Variants in MAML2 observed in about 807,000 individuals in gnomAD.
MAML2 encodes the protein mastermind like transcriptional coactivator 2, also known as mastermind-like protein 2.
A neutral mutation model predicts 96.1 loss-of-function variants in MAML2; 22 were observed. The ratio of observed to expected loss-of-function variants is 0.23; its 90% CI spans 0.16 to 0.33. MAML2 has a LOEUF of 0.33. Ranked by LOEUF, MAML2 falls within the 10% of genes least tolerant of loss-of-function variation. The probability of loss-of-function intolerance (pLI) is 1.00; values close to 1 mark genes in which losing one functional copy is unlikely to be tolerated. For missense variants in MAML2, 1,367 were observed against 1,392.4 expected, an observed-to-expected ratio of 0.98 and a Z score of 0.29; for synonymous variants, 561 against 521.3, an observed-to-expected ratio of 1.08 and a Z score of -1.04.
chr11:96,025,291 T>A (rs1355637300), intron 2 of MAML2, among the ~76,000 whole-genome samples: 2 of 152,098 alleles, frequency 1.3e-5, no homozygotes, highest in Non-Finnish European at 2.9e-5. Context: ...AGTGAATTAA[T>A]GCAGGAACAG....
chr11:96,282,735 A>G (rs1159322622), intron 1 of MAML2, among the ~76,000 whole-genome samples: 2 of 152,240 alleles, frequency 1.3e-5, no homozygotes, highest in Non-Finnish European at 2.9e-5. Context: ...GAATTTTATA[A>G]TACAAGTTTA....
At chr11:96,017,211 CACA>C (rs1308290916) in intron 2 of MAML2, among the ~76,000 whole-genome samples, 1 of 152,180 alleles carries the variant, frequency 6.6e-6, no homozygotes, top group African/African-American at 2.4e-5. Flanking sequence ...AGCTAAATTG[CACA>C]ACATTTGTTA....
Position 96,020,539 on chromosome 11 carries a change from G to A in MAML2, c.2140-28816C>T, listed in dbSNP as rs542418233. 1.2e-4 allele frequency among the ~76,000 whole-genome samples: 18 copies of A among 152,310 alleles called. No individual in the cohort carries two copies. In the East Asian group the frequency reaches 3.5e-3, roughly 29 times the overall value. On this transcript the variant is annotated intron_variant, in intron 2 of 4. Transcript: ENST00000524717. The stretch of plus-strand genomic sequence containing the variant: ...AAGCCTTATTCGGTAGGTGTTAAGG[G>A]AGGGGGTGACTGGGGCACTGAGTTT...
chr11:96,070,989 T>C (rs1859336801), intron 2 of MAML2, among the ~76,000 whole-genome samples: 1 of 152,264 alleles, frequency 6.6e-6, no homozygotes, highest in Non-Finnish European at 1.5e-5. Flanking sequence ...ATCTCTTGTG[T>C]AGCTGAGATT....
chr11:96,272,411 CT>C (rs1477997398), intron 1 of MAML2, among the ~76,000 whole-genome samples: 2 of 152,168 alleles, frequency 1.3e-5, no homozygotes, highest in Non-Finnish European at 2.9e-5. Context: ...AGGCATCCAC[CT>C]TATCAGGGTC....
intron 2 of MAML2, among the ~76,000 whole-genome samples, chr11:96,047,930 A>AAAAAAAAAAAAAAAAAAAAG (rs1555001442): frequency 1.4e-4 from 18 of 127,390 alleles, no homozygotes; most frequent in Admixed American, 3.8e-4. Context: ...AAAAAAAAAA[A>AAAAAAAAAAAAAAAAAAAAG]AAAAGAAAAA....
intron 1 of MAML2, among the ~76,000 whole-genome samples, chr11:96,214,967 A>T (rs1862027281): frequency 6.6e-6 from 1 of 152,216 alleles, no homozygotes; most frequent in Non-Finnish European, 1.5e-5. Flanking sequence ...TGCCTCGTCT[A>T]GTTGACCTTG....
At position 96,193,539 on chromosome 11, in the gene MAML2, T is replaced by A. The variant is rs537247028; in HGVS notation, c.514-100022A>T. ...AGCTATCCTATCTGTATAACATCTTTAGCTCCAGAAATAAGAAGACACAGT... is the reference window on the plus strand; with the variant it reads ...AGCTATCCTATCTGTATAACATCTTAAGCTCCAGAAATAAGAAGACACAGT... On this transcript the variant is annotated intron_variant, in intron 1 of 4. Transcript: ENST00000524717. Among the ~76,000 whole-genome samples the A allele has an allele frequency of 1.1e-4, 17 of 152,322 alleles. 2 individuals carry two copies. In the South Asian group the frequency reaches 3.3e-3, roughly 30 times the overall value.
chr11:96,147,054 A>G (rs72971829), intron 1 of MAML2, among the ~76,000 whole-genome samples: 2,370 of 152,318 alleles, frequency 0.016, 32 homozygotes, highest in Non-Finnish European at 0.024. Context: ...CATTTATAGA[A>G]TACCCACTTA....
intron 1 of MAML2, among the ~76,000 whole-genome samples, chr11:96,123,805 G>A (rs1860390969): frequency 6.6e-6 from 1 of 152,134 alleles, no homozygotes; most frequent in Admixed American, 6.5e-5. Flanking sequence ...CCGGCATGGT[G>A]GCTCACGCCT....
intron 1 of MAML2, among the ~76,000 whole-genome samples, chr11:96,103,604 C>A (rs796695830): frequency 1.1e-4 from 16 of 152,308 alleles, no homozygotes; most frequent in African/African-American, 3.9e-4. Flanking sequence ...CTCATGGCAG[C>A]ATTTCTCCCT....
At chr11:96,042,032 A>C (rs2135757107) in intron 2 of MAML2, among the ~76,000 whole-genome samples, 1 of 146,250 alleles carries the variant, frequency 6.8e-6, no homozygotes, top group Middle Eastern at 3.7e-3. Context: ...GCTGGAGTGC[A>C]GTGGCACGAT....
chr11:96,113,604 G>GAAAAAAAAAAAAAAAAAA (rs61518039), intron 1 of MAML2, among the ~76,000 whole-genome samples: 1 of 139,192 alleles, frequency 7.2e-6, no homozygotes. Flanking sequence ...CCCGTTGTTT[G>GAAAAAAAAAAAAAAAAAA]AAAAAAAAAA....
At chr11:96,005,844 C>T (rs1858171373) in intron 2 of MAML2, among the ~76,000 whole-genome samples, 1 of 152,118 alleles carries the variant, frequency 6.6e-6, no homozygotes, top group South Asian at 2.1e-4. Flanking sequence ...AATTTTTATG[C>T]TTTGAATCTC....
intron 2 of MAML2, among the ~76,000 whole-genome samples, chr11:95,997,014 C>T (rs1343298911): frequency 1.3e-5 from 2 of 152,080 alleles, no homozygotes; most frequent in African/African-American, 2.4e-5. Flanking sequence ...AGGCTATTTC[C>T]ATCTAGGTAG....
intron 1 of MAML2, among the ~76,000 whole-genome samples, chr11:96,131,024 T>C (rs190350074): frequency 6.6e-6 from 1 of 152,296 alleles, no homozygotes; most frequent in Admixed American, 6.5e-5. Context: ...AACAGAGCTA[T>C]ACAAAATCTG....
chr11:96,309,750 T>G (rs480499), intron 1 of MAML2, among the ~76,000 whole-genome samples: 103,963 of 149,584 alleles, frequency 0.7, 36,178 homozygotes, highest in East Asian at 0.82. Context: ...TAGGCTGGAG[T>G]GCAGTGGTGC....
chr11:96,326,332 G>A (rs1297582010), intron 1 of MAML2, among the ~76,000 whole-genome samples: 1 of 150,486 alleles, frequency 6.6e-6, no homozygotes, highest in Admixed American at 6.6e-5. Context: ...TGTAGCACTG[G>A]AACTCTATTT....
At chr11:95,988,398 A>C (rs1029437961) in intron 3 of MAML2, among the ~76,000 whole-genome samples, 8 of 151,682 alleles carry the variant, frequency 5.3e-5, no homozygotes, top group African/African-American at 1.9e-4. Context: ...AGCTGAGATT[A>C]CAGGTGCCCG....
Sources: gnomAD v4.1 joint callset for allele counts (sites outside exome capture counted in the v4.1 genomes callset) on GRCh38, gnomAD v4.1.1 for gene constraint, MANE v1.5 for transcripts, NCBI Gene and HGNC (gene_info 2026-07-23, HGNC 2026-07-21) for gene names.